The following LRRK2 variants were observed in gnomAD, a reference collection of about 807,000 sequenced individuals.
LRRK2 encodes leucine-rich repeat serine/threonine-protein kinase 2.
Under a neutral mutation model 302.6 loss-of-function variants are expected in LRRK2, and 203 were observed. The ratio of observed to expected loss-of-function variants is 0.67; its 90% confidence interval spans 0.60 to 0.75. The LOEUF is 0.75. Among genes scored for constraint, LRRK2 ranks in the 30% least tolerant of loss-of-function variants. The pLI, the probability that LRRK2 is intolerant of heterozygous loss-of-function variation, is 0.00. For missense variants in LRRK2, 2,830 were observed against 2,951.0 expected (o/e 0.96, Z 0.95); for synonymous variants, 1,066 against 1,031.9 (o/e 1.03, Z -0.63).
chr12:40,250,046 GC>G, intron 8 of LRRK2, 101 bp downstream of exon 8: 2 of 1,423,900 alleles, frequency 1.4e-6, no homozygotes, highest in Non-Finnish European at 1.9e-6. Context: ...AGCATTCAAT[GC>G]CTTTTCTGTC....
At chr12:40,365,565 T>C (rs1946851428) in intron 49 of LRRK2, 1 of 152,016 alleles carries the variant, frequency 6.6e-6, no homozygotes, top group Non-Finnish European at 1.5e-5. Context: ...TTAAATATGA[T>C]AAAATTGTGA....
At chr12:40,226,833 A>G (rs17443387) in intron 2 of LRRK2, among the ~76,000 whole-genome samples, 1 of 152,068 alleles carries the variant, frequency 6.6e-6, no homozygotes, top group African/African-American at 2.4e-5. Flanking sequence ...CACCCACGTC[A>G]TCCCTTCTTA....
intron 26 of LRRK2, 125 bp from the exon 27 acceptor site, chr12:40,303,821 CAT>C: frequency 1.2e-6 from 1 of 869,404 alleles, no homozygotes; most frequent in East Asian, 2.6e-5. Flanking sequence ...CATGCATACT[CAT>C]ATGTCAATAA....
intron 39 of LRRK2, among the ~76,000 whole-genome samples, chr12:40,330,489 C>T (rs1945681363): frequency 1.3e-5 from 2 of 152,024 alleles, no homozygotes. Flanking sequence ...TGTTCTGAAC[C>T]TTTACAAGTA....
In LRRK2 at chr12:40,293,626, G is replaced by A. The variant is rs200795874; in HGVS notation, c.2771G>A (p.Arg924His). ...GEFYRDAVLQ[R>H]CSPNLQRHSN... is the part of the protein sequence containing the mutation. ...TTTTACCGAGATGCCGTATTACAGC[G>A]TTGCTCACCAAATTTGCAAAGACAT... The change falls in exon 21 of 51, where the codon CGT becomes CAT. Residue 924 changes from arginine (R) to histidine (H), a missense_variant. Physicochemically the swap from Arg to His is conservative, Grantham distance 29. Coordinates refer to ENST00000298910, the MANE Select transcript of LRRK2 (RefSeq NM_198578.4). 6.1e-5 allele frequency: 99 copies of A among 1,611,134 alleles called. No individual in the cohort carries two copies. Among genetic ancestry groups the A allele is most frequent in the Non-Finnish European group, 7.3e-5 (86 of 1,178,178 alleles).
intron 14 of LRRK2, among the ~76,000 whole-genome samples, chr12:40,272,119 G>C (rs1249559444): frequency 6.6e-6 from 1 of 152,126 alleles, no homozygotes; most frequent in African/African-American, 2.4e-5. Context: ...AATTATTAAC[G>C]ATTTTACAAG....
chr12:40,322,200 A>C lies in LRRK2; in HGVS notation c.5317+19A>C, dbSNP rs200900674. The C allele has an allele frequency of 6.2e-7, 1 of 1,601,904 alleles. No homozygotes were observed. Among genetic ancestry groups the C allele is most frequent in the African/African-American group, 1.3e-5 (1 of 74,412 alleles). The stretch of plus-strand genomic sequence containing the variant: ...AGAAAAGGTAAGGAAATCAATTTGA[A>C]TGTTTTCAATTGCAACACTAAAGAA... On this transcript the variant is annotated intron_variant, in intron 36 of 50. Transcript: ENST00000298910.
At chr12:40,240,221 A>G (rs970570612) in intron 5 of LRRK2, among the ~76,000 whole-genome samples, 5 of 152,174 alleles carry the variant, frequency 3.3e-5, no homozygotes, top group African/African-American at 1.2e-4. Flanking sequence ...TGTTTTTCTG[A>G]GAACTGCTTG....
At chr12:40,339,199 T>C (rs1158275839) in intron 40 of LRRK2, among the ~76,000 whole-genome samples, 4 of 152,206 alleles carry the variant, frequency 2.6e-5, no homozygotes, top group African/African-American at 9.7e-5. Context: ...TGATATAATG[T>C]GAGCCAAAAC....
Position 40,310,477 on chromosome 12 carries a change from A to T in LRRK2, c.4364A>T (p.Asp1455Val). Residue 1455 changes from aspartate (D) to valine (V), a missense_variant, in exon 31 of 51, where the codon GAT (aspartate) becomes GTT (valine). Physicochemically the swap from Asp to Val is radical, Grantham distance 152. Transcript: ENST00000298910. ...GTGATTCTCGTTGGCACACATTTGG[A>T]TGTTTCTGATGAGAAGCAACGCAAA... The part of the protein sequence containing the change: ...SPVILVGTHL[D>V]VSDEKQRKAC... 1 of 1,613,152 alleles carries T rather than the reference A, an allele frequency of 6.2e-7. No individual in the cohort carries two copies. Among genetic ancestry groups the T allele is most frequent in the Non-Finnish European group, 8.5e-7 (1 of 1,179,764 alleles).
intron 40 of LRRK2, among the ~76,000 whole-genome samples, chr12:40,337,499 C>G (rs1369399149): frequency 6.6e-6 from 1 of 152,072 alleles, no homozygotes; most frequent in Non-Finnish European, 1.5e-5. Context: ...TGTTATATCC[C>G]ACAGTTGCCA....
chr12:40,298,002 C>T (rs1258274900), intron 23 of LRRK2, among the ~76,000 whole-genome samples: 3 of 151,904 alleles, frequency 2.0e-5, no homozygotes, highest in Admixed American at 2.0e-4. Flanking sequence ...AAGCTTTCAA[C>T]TCTATTTTTG....
rs1378157715 is a variant in LRRK2 at position 40,308,701 on chromosome 12, T to A, written c.4189+5T>A. On this transcript the variant is annotated splice_donor_5th_base_variant and intron_variant, in intron 29 of 50. Coordinates refer to ENST00000298910, the MANE Select transcript of LRRK2 (RefSeq NM_198578.4). Reference sequence around the variant, plus strand: ...TAAATGTGTGGGATTTTGCAGGTATTTCTTTCTATAGAATTTTAAAATTCA... The same window carrying A: ...TAAATGTGTGGGATTTTGCAGGTATATCTTTCTATAGAATTTTAAAATTCA... The A allele has an allele frequency of 6.2e-7, 1 of 1,611,814 alleles. No homozygotes were observed. Among genetic ancestry groups the A allele is most frequent in the Non-Finnish European group, 8.5e-7 (1 of 1,178,446 alleles).
intron 43 of LRRK2, among the ~76,000 whole-genome samples, chr12:40,350,614 G>A (rs1014040208): frequency 6.6e-6 from 1 of 152,040 alleles, no homozygotes; most frequent in Non-Finnish European, 1.5e-5. Context: ...AATTGGAAAA[G>A]TTTTAACTTT....
At chr12:40,362,123 A>G (rs1034880189) in intron 47 of LRRK2, among the ~76,000 whole-genome samples, 1 of 152,050 alleles carries the variant, frequency 6.6e-6, no homozygotes, top group Non-Finnish European at 1.5e-5. Context: ...AGTATTTTAT[A>G]AAATACGGAA....
intron 14 of LRRK2, among the ~76,000 whole-genome samples, chr12:40,267,653 C>T (rs1294826187): frequency 6.6e-6 from 1 of 152,130 alleles, no homozygotes; most frequent in South Asian, 2.1e-4. Flanking sequence ...TACTGACGCA[C>T]AGCCTTTCAC....
In LRRK2 at chr12:40,299,166, C is replaced by T. The variant is rs200441201; in HGVS notation, c.3405C>T (p.Asn1135=). 2 of 1,613,292 alleles carry T rather than the reference C, an allele frequency of 1.2e-6. No homozygotes were observed. Among genetic ancestry groups the T allele is most frequent in the Non-Finnish European group, 1.7e-6 (2 of 1,179,708 alleles). ...GACTGAAGGAACTGAAGATTTTAAACCTTAGTAAGAACCACATTTCATCCC... is the reference window on the plus strand; with the variant it reads ...GACTGAAGGAACTGAAGATTTTAAATCTTAGTAAGAACCACATTTCATCCC... ...PLRLKELKIL[N]LSKNHISSLS... is the part of the protein sequence containing the mutation. Residue 1135 remains asparagine (N), a synonymous_variant, in exon 25 of 51, where the codon AAC becomes AAT. Transcript: ENST00000298910.
intron 47 of LRRK2, among the ~76,000 whole-genome samples, 182 bp downstream of exon 47, chr12:40,359,626 T>G (rs935491692): frequency 1.3e-5 from 2 of 152,166 alleles, no homozygotes; most frequent in Non-Finnish European, 2.9e-5. Context: ...CAGAAGGGTA[T>G]TTTTAAGAAG....
At chr12:40,315,509 T>C (rs1157246955) in intron 33 of LRRK2, among the ~76,000 whole-genome samples, 1 of 152,026 alleles carries the variant, frequency 6.6e-6, no homozygotes, top group Non-Finnish European at 1.5e-5. Flanking sequence ...CATGACTTGG[T>C]TTTCAAGCCA....
Sources: gnomAD v4.1 joint callset for allele counts (sites outside exome capture counted in the v4.1 genomes callset) on GRCh38, gnomAD v4.1.1 for gene constraint, MANE v1.5 for transcripts, NCBI Gene and HGNC (gene_info 2026-07-23, HGNC 2026-07-21) for gene names.